ROBO1: variants seen among roughly 807,000 people sequenced by gnomAD.
The protein encoded by ROBO1 is roundabout homolog 1.
A neutral mutation model predicts 195.9 loss-of-function variants in ROBO1; 149 were observed. The ratio of observed to expected loss-of-function variants is 0.76; its 90% CI spans 0.67 to 0.87. The LOEUF (loss-of-function observed/expected upper bound fraction) is 0.87, where lower values mean the gene tolerates loss of function less well. ROBO1 is among the 40% of genes least tolerant of loss of function. The pLI is 0.00. For missense variants in ROBO1, 1,933 were observed against 2,068.3 expected (o/e 0.93, Z 1.27); for synonymous variants, 816 against 733.2 (o/e 1.11, Z -1.82).
At chr3:78,802,767 A>G (rs1009416289) in intron 4 of ROBO1, among the ~76,000 whole-genome samples, 2 of 151,978 alleles carry the variant, frequency 1.3e-5, no homozygotes, top group Non-Finnish European at 2.9e-5. Flanking sequence ...ATTATCAACA[A>G]TAAGACTTTA....
intron 4 of ROBO1, among the ~76,000 whole-genome samples, chr3:78,840,252 C>T (rs535714160): frequency 7.7e-4 from 117 of 152,156 alleles, no homozygotes; most frequent in African/African-American, 2.6e-3. Context: ...CAAAATGCTG[C>T]GATTTGGTAA....
At chr3:78,787,998 G>C (rs1184661421) in intron 4 of ROBO1, among the ~76,000 whole-genome samples, 1 of 140,990 alleles carries the variant, frequency 7.1e-6, no homozygotes, top group Non-Finnish European at 1.5e-5. Flanking sequence ...GGAGTGCAGG[G>C]GCACGATCTC....
At chr3:79,314,350 C>T (rs144605180) in intron 2 of ROBO1, among the ~76,000 whole-genome samples, 1 of 152,108 alleles carries the variant, frequency 6.6e-6, no homozygotes, top group East Asian at 1.9e-4. Context: ...GGTGGGAGGT[C>T]ATTGAATCAT....
chr3:79,638,811 T>G (rs1215406057), intron 1 of ROBO1, among the ~76,000 whole-genome samples: 1 of 152,180 alleles, frequency 6.6e-6, no homozygotes, highest in African/African-American at 2.4e-5. Flanking sequence ...TTTTGGTTCA[T>G]TTTTCAAACT....
At chr3:79,022,033 T>G (rs145059656) in intron 3 of ROBO1, among the ~76,000 whole-genome samples, 1 of 152,324 alleles carries the variant, frequency 6.6e-6, no homozygotes, top group Non-Finnish European at 1.5e-5. Context: ...AGCCCCCTGA[T>G]GAAGACTATC....
intron 2 of ROBO1, among the ~76,000 whole-genome samples, chr3:79,476,712 T>C (rs1036208482): frequency 1.3e-5 from 2 of 151,976 alleles, no homozygotes; most frequent in African/African-American, 2.4e-5. Flanking sequence ...AGCTAAGTTA[T>C]GAGGATGCAA....
At chr3:79,401,697 C>T (rs558470715) in intron 2 of ROBO1, among the ~76,000 whole-genome samples, 3 of 151,950 alleles carry the variant, frequency 2.0e-5, no homozygotes, top group Non-Finnish European at 2.9e-5. Context: ...ACTAACTATG[C>T]TTCTTAATCA....
rs114149127 is a variant in ROBO1, at chr3:78,970,216, C to G, written c.173-31289G>C. ...AAATACTTTTCAAATGAATGATTTCCCAGCACTGATGATTCTGTAGGACTG... is the reference window on the plus strand; with the variant it reads ...AAATACTTTTCAAATGAATGATTTCGCAGCACTGATGATTCTGTAGGACTG... On this transcript the variant is annotated intron_variant, in intron 3 of 30. Transcript: ENST00000464233. Among the ~76,000 whole-genome samples, 1,009 of 152,010 alleles carry G rather than the reference C, an allele frequency of 6.6e-3. 14 individuals carry two copies. Among genetic ancestry groups the G allele is most frequent in the African/African-American group, 0.023 (961 of 41,470 alleles).
rs3773203 is a variant in ROBO1 at position 78,624,956 on chromosome 3, T to C, written c.3875+2365A>G. Among the ~76,000 whole-genome samples, 25 of 152,186 alleles carry C rather than the reference T, an allele frequency of 1.6e-4. 1 individual carries two copies. In the East Asian group the frequency reaches 4.8e-3, roughly 29 times the overall value. The stretch of plus-strand genomic sequence containing the variant: ...ATTTAGGAACTTTAAAACAGACTTA[T>C]TAGAAAAGAGTGTATGTGATGAAAT... On this transcript the variant is annotated intron_variant, in intron 26 of 30. Transcript: ENST00000464233.
chr3:79,426,676 C>T (rs1291262964), intron 2 of ROBO1, among the ~76,000 whole-genome samples: 3 of 152,136 alleles, frequency 2.0e-5, no homozygotes, highest in African/African-American at 7.2e-5. Flanking sequence ...CTTCTTTCTT[C>T]ATGTAATTCT....
At chr3:78,936,816 T>C (rs1196656236) in intron 4 of ROBO1, among the ~76,000 whole-genome samples, 1 of 152,020 alleles carries the variant, frequency 6.6e-6, no homozygotes. Flanking sequence ...AGGTCGAACA[T>C]TTAAACTTAT....
chr3:79,075,043 A>G (rs1202435863), intron 3 of ROBO1, among the ~76,000 whole-genome samples: 1 of 151,964 alleles, frequency 6.6e-6, no homozygotes, highest in Admixed American at 6.6e-5. Context: ...AGAAACTTTC[A>G]TAACATTTTA....
intron 2 of ROBO1, among the ~76,000 whole-genome samples, chr3:79,323,579 A>T (rs2034079363): frequency 6.6e-6 from 1 of 152,182 alleles, no homozygotes; most frequent in South Asian, 2.1e-4. Flanking sequence ...ACAAATGGAG[A>T]TTGTTAAATA....
chr3:78,952,837 T>A (rs1460260847), intron 3 of ROBO1, among the ~76,000 whole-genome samples: 2 of 152,050 alleles, frequency 1.3e-5, no homozygotes, highest in Admixed American at 1.3e-4. Context: ...TGTCTCTTGA[T>A]TATAAACTTC....
chr3:78,985,487 C>T (rs1036869311), intron 3 of ROBO1, among the ~76,000 whole-genome samples: 1 of 152,036 alleles, frequency 6.6e-6, no homozygotes, highest in Admixed American at 6.6e-5. Flanking sequence ...TTAGACTGCA[C>T]GAGGGGTCAG....
chr3:79,571,416 T>C (rs1299036264), intron 2 of ROBO1, among the ~76,000 whole-genome samples: 9 of 152,086 alleles, frequency 5.9e-5, no homozygotes, highest in Admixed American at 5.9e-4. Context: ...AAGTTAAAGA[T>C]TTATAGTTAG....
intron 2 of ROBO1, among the ~76,000 whole-genome samples, chr3:79,318,164 C>T (rs2033822897): frequency 1.3e-5 from 2 of 152,158 alleles, no homozygotes; most frequent in South Asian, 4.1e-4. Context: ...TTTACTCACT[C>T]CACTCTCCAC....
At chr3:79,459,621 A>G (rs534567150) in intron 2 of ROBO1, among the ~76,000 whole-genome samples, 2 of 152,266 alleles carry the variant, frequency 1.3e-5, no homozygotes, top group South Asian at 4.1e-4. Flanking sequence ...AAAAAAGAAT[A>G]TATTGAATAG....
At chr3:79,674,154 A>G (rs1218742996) in intron 1 of ROBO1, among the ~76,000 whole-genome samples, 1 of 152,058 alleles carries the variant, frequency 6.6e-6, no homozygotes, top group Non-Finnish European at 1.5e-5. Context: ...CTATTATACT[A>G]TGATATTCAG....
Sources: allele counts gnomAD v4.1 joint callset (sites outside exome capture counted in the v4.1 genomes callset), GRCh38; gene constraint gnomAD v4.1.1; transcripts MANE v1.5; gene names NCBI Gene and HGNC (gene_info 2026-07-23, HGNC 2026-07-21).